SLC25A25: variants seen among roughly 807,000 people sequenced by gnomAD.
SLC25A25 encodes the protein solute carrier family 25 member 25.
Under a neutral mutation model 57.7 loss-of-function variants are expected in SLC25A25, and 32 were observed. The ratio of observed to expected loss-of-function variants is 0.55; its 90% CI spans 0.42 to 0.74. The LOEUF (loss-of-function observed/expected upper bound fraction) is 0.74. Ranked by LOEUF, SLC25A25 falls within the 30% of genes least tolerant of loss-of-function variation. The probability of loss-of-function intolerance (pLI) is 0.00; values close to 1 mark genes in which losing one functional copy is unlikely to be tolerated. For missense variants in SLC25A25, 556 were observed against 701.3 expected (o/e 0.79, Z 2.34); for synonymous variants, 306 against 291.2 (o/e 1.05, Z -0.52).
chr9:128,086,328 ATTTTTTTTT>A (rs35134996), intron 1 of SLC25A25, among the ~76,000 whole-genome samples: 1 of 95,468 alleles, frequency 1.0e-5, no homozygotes, highest in South Asian at 3.2e-4. Context: ...TACTCGGCTA[ATTTTTTTTT>A]TTTTTTTTTT....
intron 9 of SLC25A25, 35 bp from the exon 10 acceptor site, chr9:128,106,994 C>T: frequency 6.2e-7 from 1 of 1,602,974 alleles, no homozygotes; most frequent in Non-Finnish European, 8.5e-7. Context: ...ACTAGCCCTT[C>T]CTAGGGCTTA....
At chr9:128,105,098 A>G (rs1376118428) in intron 6 of SLC25A25, among the ~76,000 whole-genome samples, 2 of 140,070 alleles carry the variant, frequency 1.4e-5, no homozygotes, top group Admixed American at 1.5e-4. Flanking sequence ...ACCTCATGTG[A>G]TCTGCCCACC....
intron 1 of SLC25A25, among the ~76,000 whole-genome samples, chr9:128,082,189 C>T (rs141349764): frequency 6.6e-6 from 1 of 152,304 alleles, no homozygotes; most frequent in East Asian, 1.9e-4. Flanking sequence ...TCCACAGTTA[C>T]AGGAGTTTTC....
At position 128,103,784 on chromosome 9, in the gene SLC25A25, G is replaced by A; in HGVS notation, c.728G>A (p.Gly243Glu). 6.2e-7 allele frequency: 1 copy of A among 1,613,754 alleles called. No individual in the cohort carries two copies. Among genetic ancestry groups the A allele is most frequent in the Non-Finnish European group, 8.5e-7 (1 of 1,179,872 alleles). Residue 243 changes from glycine (G) to glutamate (E), a missense_variant, in exon 6 of 11, where the codon GGG becomes GAG. Gly to Glu is a moderately conservative substitution (Grantham distance 98, BLOSUM62 -2). This residue lies in a region of SLC25A25 where 294 missense variants were observed against 389.6 expected (regional missense o/e 0.75). Coordinates refer to ENST00000373069, the MANE Select transcript of SLC25A25 (RefSeq NM_001330988.2). The surrounding 1 kb of genome is among the most constrained non-coding windows in gnomAD (Gnocchi z 6.7). ...WRHLVAGGGAGAVSRTCTAPL... is the reference protein window; with the variant it reads ...WRHLVAGGGAEAVSRTCTAPL... ...CACCTGGTGGCAGGAGGTGGGGCAG[G>A]GGCCGTATCCAGAACCTGCACGGCC...
intron 1 of SLC25A25, among the ~76,000 whole-genome samples, chr9:128,085,417 C>T (rs10987865): frequency 0.74 from 112,654 of 151,598 alleles, 43,678 homozygotes; most frequent in Non-Finnish European, 0.85. Context: ...ATCACTTGAG[C>T]CCAGGAGTTC....
At chr9:128,104,480 C>T (rs756218010) in intron 6 of SLC25A25, among the ~76,000 whole-genome samples, 2 of 152,246 alleles carry the variant, frequency 1.3e-5, no homozygotes. Context: ...GGGCAGAATG[C>T]CTCGGGCTTG....
chr9:128,100,047 G>A (rs1174487352), intron 1 of SLC25A25, among the ~76,000 whole-genome samples: 2 of 152,142 alleles, frequency 1.3e-5, no homozygotes, highest in Admixed American at 6.5e-5. Flanking sequence ...GCAGGGAGGC[G>A]GCTTGGGAGG....
chr9:128,105,359 C>T (rs1833979751), intron 6 of SLC25A25, among the ~76,000 whole-genome samples: 2 of 151,792 alleles, frequency 1.3e-5, no homozygotes, highest in East Asian at 1.9e-4. Context: ...TTAGTAGAGA[C>T]GGGGTTTCAC....
rs897213243 is a variant in SLC25A25, at chr9:128,075,218, G to A, written c.261+6638G>A. Among the ~76,000 whole-genome samples, 24 of 151,836 alleles carry A rather than the reference G, an allele frequency of 1.6e-4. 1 individual carries two copies. Among genetic ancestry groups the A allele is most frequent in the Non-Finnish European group, 5.9e-5 (4 of 67,920 alleles). On this transcript the variant is annotated intron_variant, in intron 1 of 10. Coordinates refer to ENST00000373069, the MANE Select transcript of SLC25A25 (RefSeq NM_001330988.2). ...GCTACTCGGGAGGCTGGGGCAGGAG[G>A]ATCGCTTGAGTCTGGGAGGCTGAGG... is the stretch of plus-strand genomic sequence containing the variant.
rs10987876 is a variant in SLC25A25, at chr9:128,107,808, C to T, written c.*364C>T. ...CACCCTTGCAGCCAGCTGTTGGCCA[C>T]GGCCCCTGCCCTCTGGTCTGCCGTG... On this transcript the variant is annotated 3_prime_UTR_variant, in exon 11 of 11. Coordinates refer to ENST00000373069, the MANE Select transcript of SLC25A25 (RefSeq NM_001330988.2). The T allele has an allele frequency of 0.16, 64,822 of 405,628 alleles. 5,534 individuals are homozygous for T. Among genetic ancestry groups the T allele is most frequent in the South Asian group, 0.27 (2,176 of 7,996 alleles). 25.1% of individuals were successfully genotyped at this position (405,628 alleles called of 1,614,324 possible). A position where few individuals can be genotyped will look rare whatever the true frequency, so the allele number is the denominator to read the frequency against.
Position 128,098,389 on chromosome 9 carries a change from T to A in SLC25A25, c.262-2707T>A, listed in dbSNP as rs895235592. 3.9e-6 allele frequency: 5 copies of A among 1,271,600 alleles called. No homozygotes were observed. In the South Asian group the frequency reaches 9.3e-5, roughly 24 times the overall value. The allele number at this position is 1,271,600 out of a possible 1,614,324, so 78.8% of individuals were successfully genotyped here. On this transcript the variant is annotated intron_variant, in intron 1 of 10. Transcript: ENST00000373069. ...CCCGGGCTCTGTGTTCATTGGCTGT[T>A]GGCAGGACTTGCCGTGGGAGGGCTT...
At chr9:128,089,896 A>T (rs1166918652) in intron 1 of SLC25A25, among the ~76,000 whole-genome samples, 1 of 151,974 alleles carries the variant, frequency 6.6e-6, no homozygotes, top group Non-Finnish European at 1.5e-5. Flanking sequence ...CCATCTCCCA[A>T]AGTACTGGAA....
At chr9:128,073,150 C>T (rs982268487) in intron 1 of SLC25A25, among the ~76,000 whole-genome samples, 3 of 152,208 alleles carry the variant, frequency 2.0e-5, no homozygotes, top group African/African-American at 7.2e-5. Flanking sequence ...ATCATTTGAT[C>T]GCAAGGAAAT....
At chr9:128,091,365 A>G (rs1272296065) in intron 1 of SLC25A25, 2 of 888,656 alleles carry the variant, frequency 2.3e-6, no homozygotes, top group Non-Finnish European at 2.7e-6. Context: ...TGGTGCTGGT[A>G]GGGATAATGA....
Position 128,083,000 on chromosome 9 carries a change from G to A in SLC25A25, c.261+14420G>A, listed in dbSNP as rs545489104. Among the ~76,000 whole-genome samples the A allele has an allele frequency of 2.0e-4, 31 of 152,076 alleles. No homozygotes were observed. In the East Asian group the frequency reaches 5.1e-3, roughly 25 times the overall value. On this transcript the variant is annotated intron_variant, in intron 1 of 10. Coordinates refer to ENST00000373069, the MANE Select transcript of SLC25A25 (RefSeq NM_001330988.2). ...TCCCAGCATTCTGGGAGGCTGAAGCGGGCAGATCACAAGGTCAGGAGTTCA... is the reference window on the plus strand; with the variant it reads ...TCCCAGCATTCTGGGAGGCTGAAGCAGGCAGATCACAAGGTCAGGAGTTCA...
rs758495705 is a variant in SLC25A25 at position 128,084,565 on chromosome 9, G to A, written c.261+15985G>A. On this transcript the variant is annotated intron_variant, in intron 1 of 10. Transcript: ENST00000373069. ...ACCCACCTATGATCTGGAAGCCCCC[G>A]CCTTCAAGTTGTCCCACCTTACCGG... is the stretch of plus-strand genomic sequence containing the variant. 3.3e-4 allele frequency among the ~76,000 whole-genome samples: 50 copies of A among 151,248 alleles called. 2 individuals are homozygous for A. Among genetic ancestry groups the A allele is most frequent in the Non-Finnish European group, 1.3e-4 (9 of 67,862 alleles).
chr9:128,075,101 C>T (rs1832981863), intron 1 of SLC25A25, among the ~76,000 whole-genome samples: 1 of 152,164 alleles, frequency 6.6e-6, no homozygotes, highest in African/African-American at 2.4e-5. Context: ...CACGCCACTG[C>T]ACTCCAGCCT....
chr9:128,083,197 C>T (rs1300670925), intron 1 of SLC25A25, among the ~76,000 whole-genome samples: 2 of 149,314 alleles, frequency 1.3e-5, no homozygotes, highest in Non-Finnish European at 3.0e-5. Flanking sequence ...CATTGCACTC[C>T]AGCCTAGGTG....
At chr9:128,077,624 A>G (rs1217077700) in intron 1 of SLC25A25, among the ~76,000 whole-genome samples, 6 of 152,052 alleles carry the variant, frequency 3.9e-5, no homozygotes, top group African/African-American at 1.2e-4. Context: ...GTACTTGCCT[A>G]CCTGGGAGTG....
Sources: allele counts gnomAD v4.1 joint callset (sites outside exome capture counted in the v4.1 genomes callset), GRCh38; gene constraint gnomAD v4.1.1; regional missense constraint gnomAD v4.1.1; non-coding constraint Gnocchi (gnomAD v3.1); transcripts MANE v1.5; gene names NCBI Gene and HGNC (gene_info 2026-07-23, HGNC 2026-07-21).